Variants in C10orf90 observed in about 807,000 individuals in gnomAD.
The protein encoded by C10orf90 is chromosome 10 open reading frame 90, also known as (E2-independent) E3 ubiquitin-conjugating enzyme FATS.
Under a neutral mutation model 62.5 loss-of-function variants are expected in C10orf90, and 56 were observed. The ratio of observed to expected loss-of-function variants is 0.90; its 90% CI spans 0.72 to 1.12. The LOEUF is 1.12. C10orf90 is among the 50% of genes most tolerant of loss of function. C10orf90 has a pLI of 0.00. For missense variants in C10orf90, 970 were observed against 880.4 expected, an observed-to-expected ratio of 1.10 and a Z score of -1.29; for synonymous variants, 386 against 340.4, an observed-to-expected ratio of 1.13 and a Z score of -1.47.
intron 2 of C10orf90, among the ~76,000 whole-genome samples, chr10:126,645,296 A>C (rs1846147175): frequency 6.7e-6 from 1 of 150,372 alleles, no homozygotes; most frequent in African/African-American, 2.4e-5. Context: ...GGCTGGGTGC[A>C]GTGGCTCATG....
intron 3 of C10orf90, among the ~76,000 whole-genome samples, chr10:126,508,045 A>C (rs969132320): frequency 1.3e-5 from 2 of 152,044 alleles, no homozygotes; most frequent in African/African-American, 2.4e-5. Flanking sequence ...AAGAAAAAAA[A>C]AAAAAGACCC....
chr10:126,446,818 G>C (rs1300168876), intron 7 of C10orf90, among the ~76,000 whole-genome samples: 1 of 143,880 alleles, frequency 7.0e-6, no homozygotes, highest in African/African-American at 2.6e-5. Context: ...AACACCTACA[G>C]CTACAATAAT....
At position 126,517,424 on chromosome 10, in the gene C10orf90, C is replaced by A. The variant is rs76916469; in HGVS notation, c.314-3485G>T. ...ATACACACTAAATAGGGCTTTGTCT[C>A]TAACTTAACTTCACTGATTCCCATG... On this transcript the variant is annotated intron_variant, in intron 2 of 9. Transcript: ENST00000488181. Among the ~76,000 whole-genome samples, 841 of 152,294 alleles carry A rather than the reference C, an allele frequency of 5.5e-3. 7 individuals are homozygous for A. The highest frequency in any genetic ancestry group is 0.019 in the African/African-American group (771 of 41,570).
chr10:126,610,612 C>T (rs1305033433), intron 2 of C10orf90, among the ~76,000 whole-genome samples: 5 of 152,194 alleles, frequency 3.3e-5, no homozygotes, highest in Non-Finnish European at 7.3e-5. Context: ...ATTCTGGGCA[C>T]ACAGTAGGCA....
chr10:126,553,054 C>A (rs1469087632), intron 2 of C10orf90, among the ~76,000 whole-genome samples: 3 of 151,988 alleles, frequency 2.0e-5, no homozygotes, highest in Admixed American at 2.0e-4. Flanking sequence ...AAGGTCAAAC[C>A]AAAATGCTTC....
chr10:126,547,275 C>T (rs112518987), intron 2 of C10orf90, among the ~76,000 whole-genome samples: 2,077 of 151,908 alleles, frequency 0.014, 49 homozygotes, highest in African/African-American at 0.048. Flanking sequence ...AAAAATTAGC[C>T]GGGCGTGGTG....
At chr10:126,566,222 A>G (rs1844386145) in intron 2 of C10orf90, among the ~76,000 whole-genome samples, 1 of 152,206 alleles carries the variant, frequency 6.6e-6, no homozygotes, top group Admixed American at 6.5e-5. Flanking sequence ...ATGGGGTTAT[A>G]GAATGGATCA....
At chr10:126,549,253 G>C (rs1864573125) in intron 2 of C10orf90, among the ~76,000 whole-genome samples, 1 of 152,128 alleles carries the variant, frequency 6.6e-6, no homozygotes, top group Admixed American at 6.6e-5. Context: ...ATATTTGCAA[G>C]CCACATAGCT....
chr10:126,531,461 T>TC, intron 2 of C10orf90, among the ~76,000 whole-genome samples: 2 of 152,228 alleles, frequency 1.3e-5, no homozygotes, highest in Admixed American at 1.3e-4. Flanking sequence ...AACCCTGACA[T>TC]AGACACAAAA....
At chr10:126,598,995 A>C (rs1394758057) in intron 2 of C10orf90, among the ~76,000 whole-genome samples, 1 of 152,074 alleles carries the variant, frequency 6.6e-6, no homozygotes, top group Non-Finnish European at 1.5e-5. Context: ...CAAACTTCTC[A>C]TTGCTATTTT....
At chr10:126,538,718 A>G (rs570221608) in intron 2 of C10orf90, among the ~76,000 whole-genome samples, 1 of 152,320 alleles carries the variant, frequency 6.6e-6, no homozygotes, top group East Asian at 1.9e-4. Context: ...GACATCCCAC[A>G]GCTCCAAAGT....
At chr10:126,592,297 T>C (rs991933768) in intron 2 of C10orf90, among the ~76,000 whole-genome samples, 30 of 152,026 alleles carry the variant, frequency 2.0e-4, no homozygotes, top group African/African-American at 7.0e-4. Context: ...CTTCAAACTA[T>C]ATAAGGCTAC....
intron 7 of C10orf90, among the ~76,000 whole-genome samples, chr10:126,446,934 G>A (rs974819650): frequency 1.3e-5 from 2 of 152,140 alleles, no homozygotes; most frequent in Non-Finnish European, 2.9e-5. Flanking sequence ...TCAAAATTAA[G>A]TTGTTATCAG....
chr10:126,483,209 A>C (rs2133809569), intron 4 of C10orf90, among the ~76,000 whole-genome samples: 1 of 152,382 alleles, frequency 6.6e-6, no homozygotes, highest in African/African-American at 2.4e-5. Flanking sequence ...CCAAAGGCAA[A>C]CCAAGAGCAT....
At chr10:126,447,319 G>C (rs1858849448) in intron 7 of C10orf90, among the ~76,000 whole-genome samples, 1 of 150,786 alleles carries the variant, frequency 6.6e-6, no homozygotes, top group Non-Finnish European at 1.5e-5. Flanking sequence ...GACATAAATA[G>C]ACAAAAAGTG....
At chr10:126,636,175 C>T (rs946206973) in intron 2 of C10orf90, among the ~76,000 whole-genome samples, 5 of 152,150 alleles carry the variant, frequency 3.3e-5, no homozygotes, top group East Asian at 1.9e-4. Context: ...CAGCAGGACA[C>T]GTGACATCCT....
chr10:126,606,005 G>A (rs562335687), intron 2 of C10orf90, among the ~76,000 whole-genome samples: 3 of 152,298 alleles, frequency 2.0e-5, no homozygotes, highest in Admixed American at 6.5e-5. Context: ...GACCACTTTT[G>A]AGATTCAAAT....
chr10:126,623,899 C>T (rs1421244222), intron 2 of C10orf90, among the ~76,000 whole-genome samples: 1 of 150,968 alleles, frequency 6.6e-6, no homozygotes, highest in Admixed American at 6.6e-5. Context: ...CTCCAGGCTA[C>T]AGTCCCAGCC....
chr10:126,619,763 C>G (rs1199168198), intron 2 of C10orf90, among the ~76,000 whole-genome samples: 1 of 152,176 alleles, frequency 6.6e-6, no homozygotes, highest in African/African-American at 2.4e-5. Flanking sequence ...ACTCAGCATT[C>G]TAAGTAGCTG....
Sources: gnomAD v4.1 joint callset for allele counts (sites outside exome capture counted in the v4.1 genomes callset) on GRCh38, gnomAD v4.1.1 for gene constraint, MANE v1.5 for transcripts, NCBI Gene and HGNC (gene_info 2026-07-23, HGNC 2026-07-21) for gene names.